Variants in SLC44A1 observed in about 807,000 individuals in gnomAD.
SLC44A1 encodes choline transporter-like protein 1.
In SLC44A1, 26 loss-of-function variants were observed where a neutral mutation model predicts 79.3. The ratio of observed to expected loss-of-function variants is 0.33; its 90% CI spans 0.24 to 0.46. The LOEUF is 0.46. SLC44A1 is among the 20% of genes least tolerant of loss of function. SLC44A1 has a pLI of 1.00. For missense variants in SLC44A1, 688 were observed against 798.1 expected, an observed-to-expected ratio of 0.86 and a Z score of 1.66; for synonymous variants, 263 against 286.2, an observed-to-expected ratio of 0.92 and a Z score of 0.82.
chr9:105,337,798 T>A (rs904425777), intron 4 of SLC44A1, among the ~76,000 whole-genome samples: 10 of 152,158 alleles, frequency 6.6e-5, no homozygotes, highest in African/African-American at 1.2e-4. Flanking sequence ...TGCTGAGATG[T>A]TCACTGGAGG....
At chr9:105,433,535 G>A (rs999433267) in intron 15 of SLC44A1, among the ~76,000 whole-genome samples, 1 of 151,992 alleles carries the variant, frequency 6.6e-6, no homozygotes, top group African/African-American at 2.4e-5. Context: ...AGATCTTAAG[G>A]GAGGAGCATC....
intron 13 of SLC44A1, among the ~76,000 whole-genome samples, chr9:105,377,287 A>C (rs1828318977): frequency 6.6e-6 from 1 of 152,222 alleles, no homozygotes; most frequent in Admixed American, 6.5e-5. Flanking sequence ...ACTGGGCTTT[A>C]GTAGTGTTTA....
At chr9:105,297,045 GA>G (rs1830742667) in intron 1 of SLC44A1, among the ~76,000 whole-genome samples, 1 of 152,182 alleles carries the variant, frequency 6.6e-6, no homozygotes, top group East Asian at 1.9e-4. Flanking sequence ...ATTCCTCTGG[GA>G]AAAAAACTGC....
chr9:105,397,957 A>AG (rs1302107567), downstream of SLC44A1, among the ~76,000 whole-genome samples: 4 of 148,428 alleles, frequency 2.7e-5, no homozygotes, highest in Non-Finnish European at 6.0e-5. Context: ...CAGAAAAAAA[A>AG]AAAAAAGAAA....
chr9:105,387,272 G>A (rs1323094668), intron 15 of SLC44A1, among the ~76,000 whole-genome samples: 2 of 151,650 alleles, frequency 1.3e-5, no homozygotes, highest in African/African-American at 4.8e-5. Flanking sequence ...TTAATAGCAT[G>A]AATAATTATA....
At chr9:105,261,381 T>C (rs1829835242) in intron 1 of SLC44A1, among the ~76,000 whole-genome samples, 1 of 152,122 alleles carries the variant, frequency 6.6e-6, no homozygotes, top group Non-Finnish European at 1.5e-5. Flanking sequence ...TAATGAAAGC[T>C]CTTCTGGCCC....
downstream of SLC44A1, among the ~76,000 whole-genome samples, chr9:105,400,732 G>A (rs1306421479): frequency 2.6e-5 from 4 of 151,992 alleles, no homozygotes; most frequent in Non-Finnish European, 1.5e-5. Flanking sequence ...TAGGTTCCCA[G>A]GTTTTTTATA....
At chr9:105,415,280 G>C (rs115204880) in intron 15 of SLC44A1, among the ~76,000 whole-genome samples, 4,071 of 152,258 alleles carry the variant, frequency 0.027, 64 homozygotes, top group Middle Eastern at 0.051. Flanking sequence ...TCACAATAGG[G>C]GGTGCAAGGA....
At chr9:105,356,459 T>C (rs1189000575) in intron 6 of SLC44A1, 78 bp downstream of exon 6, 1 of 917,750 alleles carries the variant, frequency 1.1e-6, no homozygotes, top group East Asian at 2.5e-5. Flanking sequence ...AAAATATGAA[T>C]ACAACTGGGG....
chr9:105,300,828 G>A (rs1308867910), intron 2 of SLC44A1, among the ~76,000 whole-genome samples: 2 of 150,874 alleles, frequency 1.3e-5, no homozygotes, highest in African/African-American at 4.9e-5. Context: ...CCATGCTGGA[G>A]TGCATGGTGT....
At chr9:105,351,021 T>A (rs1827388844) in intron 5 of SLC44A1, among the ~76,000 whole-genome samples, 2 of 152,240 alleles carry the variant, frequency 1.3e-5, no homozygotes, top group Admixed American at 6.5e-5. Flanking sequence ...TTATCCAAAT[T>A]CATAACTCTC....
At chr9:105,387,052 A>ATATAT (rs1420631281) in intron 15 of SLC44A1, among the ~76,000 whole-genome samples, 1 of 1,270 alleles carries the variant, frequency 7.9e-4, no homozygotes, top group African/African-American at 1.3e-3. Context: ...AAAAAAAAAA[A>ATATAT]AAAAAAAAAT....
Position 105,309,863 on chromosome 9 carries a change from G to A in SLC44A1, c.266G>A (p.Arg89Gln), listed in dbSNP as rs190474943. 1.2e-5 allele frequency: 20 copies of A among 1,612,854 alleles called. No homozygotes were observed. The highest frequency in any genetic ancestry group is 8.9e-5 in the East Asian group (4 of 44,820). The change falls in exon 3 of 16, where the codon CGG becomes CAG. Residue 89 changes from arginine to glutamine, a missense_variant. Physicochemically the swap from Arg to Gln is conservative, Grantham distance 43 (BLOSUM62 1). Coordinates refer to ENST00000374720, the MANE Select transcript of SLC44A1 (RefSeq NM_080546.5). ...IPNSGMDHTQ[R>Q]KYVFFLDPCN... ...AACAGTGGCATGGACCACACCCAGCGGAAGTGAGTAGACTTGCTGAATGAT... is the reference window on the plus strand; with the variant it reads ...AACAGTGGCATGGACCACACCCAGCAGAAGTGAGTAGACTTGCTGAATGAT...
intron 4 of SLC44A1, among the ~76,000 whole-genome samples, chr9:105,344,353 C>G (rs1827185165): frequency 6.6e-6 from 1 of 152,104 alleles, no homozygotes; most frequent in Non-Finnish European, 1.5e-5. Flanking sequence ...TTTGCCTCCT[C>G]AAAGATAATT....
chr9:105,270,634 T>C (rs1403875644), intron 1 of SLC44A1, among the ~76,000 whole-genome samples: 1 of 151,994 alleles, frequency 6.6e-6, no homozygotes, highest in Admixed American at 6.6e-5. Flanking sequence ...TTTGCCAGAC[T>C]TCCTCCCTCA....
intron 2 of SLC44A1, 125 bp from the exon 3 acceptor site, chr9:105,309,599 T>C: frequency 1.3e-6 from 1 of 774,246 alleles, no homozygotes; most frequent in Non-Finnish European, 2.1e-6. Context: ...GAATAGTGTT[T>C]GCAGTAAGAA....
intron 1 of SLC44A1, among the ~76,000 whole-genome samples, chr9:105,280,273 G>T (rs1329988217): frequency 6.6e-6 from 1 of 152,224 alleles, no homozygotes; most frequent in Non-Finnish European, 1.5e-5. Flanking sequence ...TGGAGGTAGA[G>T]TATAGGATTC....
chr9:105,270,338 C>G (rs1165275839), intron 1 of SLC44A1, among the ~76,000 whole-genome samples: 2 of 152,208 alleles, frequency 1.3e-5, no homozygotes, highest in African/African-American at 4.8e-5. Context: ...TAGCCCAACT[C>G]ATGGTCGTCT....
At chr9:105,356,876 G>A (rs904967821) in intron 6 of SLC44A1, among the ~76,000 whole-genome samples, 1 of 151,866 alleles carries the variant, frequency 6.6e-6, no homozygotes, top group Non-Finnish European at 1.5e-5. Context: ...CCACCTATTA[G>A]CCACTGAGTT....
Sources: gnomAD v4.1 joint callset for allele counts (sites outside exome capture counted in the v4.1 genomes callset) on GRCh38, gnomAD v4.1.1 for gene constraint, MANE v1.5 for transcripts, NCBI Gene and HGNC (gene_info 2026-07-23, HGNC 2026-07-21) for gene names.